JARID2: variants seen among roughly 807,000 people sequenced by gnomAD.
JARID2 encodes the protein jumonji and AT-rich interaction domain containing 2, also known as protein Jumonji.
A neutral mutation model predicts 125.6 loss-of-function variants in JARID2; 21 were observed. That is an observed-to-expected ratio of 0.17 (90% CI 0.12 to 0.24). The LOEUF (loss-of-function observed/expected upper bound fraction) is 0.24, where lower values mean the gene tolerates loss of function less well. Ranked by LOEUF, JARID2 falls within the 10% of genes least tolerant of loss-of-function variation. The pLI is 1.00. For synonymous variants in JARID2, 736 were observed against 661.6 expected, an observed-to-expected ratio of 1.11 and a Z score of -1.73; for missense variants, 1,303 against 1,639.6, an observed-to-expected ratio of 0.79 and a Z score of 3.55.
At chr6:15,488,982 G>T (rs1338016542) in intron 6 of JARID2, among the ~76,000 whole-genome samples, 2 of 152,162 alleles carry the variant, frequency 1.3e-5, no homozygotes, top group Non-Finnish European at 2.9e-5. Context: ...CCGAGCTTTG[G>T]TCCTGGGTCT....
chr6:15,463,902 C>T (rs752035641), intron 4 of JARID2, among the ~76,000 whole-genome samples: 2 of 152,208 alleles, frequency 1.3e-5, no homozygotes, highest in Non-Finnish European at 1.5e-5. Flanking sequence ...AATATCCTTT[C>T]TTTCATCCTG....
intron 2 of JARID2, among the ~76,000 whole-genome samples, chr6:15,388,610 A>G (rs1764879929): frequency 6.7e-6 from 1 of 148,598 alleles, no homozygotes; most frequent in Non-Finnish European, 1.5e-5. Flanking sequence ...TAATTTTTCT[A>G]CAACAAACTA....
intron 5 of JARID2, among the ~76,000 whole-genome samples, chr6:15,481,676 G>T (rs561195345): frequency 3.0e-4 from 45 of 151,932 alleles, no homozygotes; most frequent in Non-Finnish European, 6.2e-4. Context: ...TGACTTTCTG[G>T]CTATGTTTGC....
intron 1 of JARID2, among the ~76,000 whole-genome samples, chr6:15,370,159 C>G (rs1764112715): frequency 6.6e-6 from 1 of 152,010 alleles, no homozygotes; most frequent in Non-Finnish European, 1.5e-5. Context: ...CTATATCAGG[C>G]ATGTTTTAGG....
chr6:15,413,967 T>C (rs1404044357), intron 3 of JARID2, among the ~76,000 whole-genome samples: 2 of 152,236 alleles, frequency 1.3e-5, no homozygotes, highest in African/African-American at 4.8e-5. Context: ...TTTATGTATG[T>C]GCTTTGGAAA....
intron 5 of JARID2, among the ~76,000 whole-genome samples, chr6:15,483,383 T>A (rs886350007): frequency 6.1e-5 from 6 of 98,166 alleles, no homozygotes; most frequent in Admixed American, 3.6e-4. Context: ...TAAGTGAAAC[T>A]GGCTGTTTTT....
chr6:15,343,559 T>C (rs1351064645), intron 1 of JARID2, among the ~76,000 whole-genome samples: 2 of 152,176 alleles, frequency 1.3e-5, no homozygotes, highest in Admixed American at 6.5e-5. Flanking sequence ...ATTAGGCTAT[T>C]GTGCAGTCAA....
intron 1 of JARID2, among the ~76,000 whole-genome samples, chr6:15,338,346 T>C (rs1026369846): frequency 6.6e-6 from 1 of 152,236 alleles, no homozygotes; most frequent in African/African-American, 2.4e-5. Flanking sequence ...TGGGACTGCA[T>C]TGACTCTCAG....
chr6:15,305,621 C>T (rs1168095449), intron 1 of JARID2, among the ~76,000 whole-genome samples: 2 of 152,160 alleles, frequency 1.3e-5, no homozygotes, highest in African/African-American at 4.8e-5. Flanking sequence ...ACCTCATTTT[C>T]CCCTAACCAC....
intron 6 of JARID2, among the ~76,000 whole-genome samples, chr6:15,490,887 C>T (rs1448410853): frequency 6.6e-6 from 1 of 152,182 alleles, no homozygotes; most frequent in Non-Finnish European, 1.5e-5. Context: ...GATATTGAAC[C>T]AGATGTGGCC....
chr6:15,424,530 C>G (rs1766638802), intron 3 of JARID2, among the ~76,000 whole-genome samples: 1 of 152,096 alleles, frequency 6.6e-6, no homozygotes, highest in Non-Finnish European at 1.5e-5. Flanking sequence ...GAAAGAAGAG[C>G]AATTTTGCAG....
chr6:15,450,379 A>G (rs947085679), intron 3 of JARID2, among the ~76,000 whole-genome samples: 2 of 152,246 alleles, frequency 1.3e-5, no homozygotes, highest in East Asian at 1.9e-4. Context: ...CACCTTGGCC[A>G]GGCTGGTCTG....
intron 17 of JARID2, among the ~76,000 whole-genome samples, chr6:15,518,375 T>A (rs1771666733): frequency 3.9e-5 from 6 of 152,206 alleles, no homozygotes; most frequent in Admixed American, 3.9e-4. Context: ...GTCTGAGACC[T>A]AATGGTTGGT....
intron 1 of JARID2, among the ~76,000 whole-genome samples, chr6:15,357,199 TTGAG>T (rs1763633656): frequency 6.6e-6 from 1 of 152,202 alleles, no homozygotes; most frequent in Admixed American, 6.5e-5. Context: ...CGTTTTTTCA[TTGAG>T]TATGTAAAGT....
intron 1 of JARID2, among the ~76,000 whole-genome samples, chr6:15,364,975 T>C (rs962388255): frequency 1.3e-5 from 2 of 152,230 alleles, no homozygotes; most frequent in Admixed American, 6.5e-5. Context: ...CAGATTAGAA[T>C]GTGGCATTTG....
chr6:15,306,328 C>CTTTTTTTTTTTTTTTT (rs398000594), intron 1 of JARID2, among the ~76,000 whole-genome samples: 1 of 99,250 alleles, frequency 1.0e-5, no homozygotes, highest in Admixed American at 1.2e-4. Context: ...AGTCATATTT[C>CTTTTTTTTTTTTTTTT]TTTTTTTTTT....
chr6:15,396,885 TG>T (rs1765239328), intron 2 of JARID2, among the ~76,000 whole-genome samples: 1 of 152,220 alleles, frequency 6.6e-6, no homozygotes. Context: ...TTCACGAGTT[TG>T]CATACCATCA....
intron 1 of JARID2, among the ~76,000 whole-genome samples, chr6:15,265,526 A>G (rs946449163): frequency 1.3e-5 from 2 of 151,710 alleles, no homozygotes; most frequent in Non-Finnish European, 2.9e-5. Flanking sequence ...TGGCTCTGTG[A>G]GATTTATTTT....
intron 3 of JARID2, among the ~76,000 whole-genome samples, chr6:15,422,662 C>CCACTT (rs1452791694): frequency 1.3e-5 from 2 of 152,192 alleles, no homozygotes; most frequent in Non-Finnish European, 2.9e-5. Context: ...CTGTGTCTCC[C>CCACTT]CACTTCTGCT....
Sources: allele counts gnomAD v4.1 joint callset (sites outside exome capture counted in the v4.1 genomes callset), GRCh38; gene constraint gnomAD v4.1.1; transcripts MANE v1.5; gene names NCBI Gene and HGNC (gene_info 2026-07-23, HGNC 2026-07-21).